Variants in ASZ1 observed in about 807,000 individuals in gnomAD.
ASZ1 encodes the protein ankyrin repeat, SAM and basic leucine zipper domain containing 1, also known as ankyrin repeat, SAM and basic leucine zipper domain-containing protein 1.
A neutral mutation model predicts 61.8 loss-of-function variants in ASZ1; 67 were observed. The observed-to-expected ratio is 1.08, with a 90% CI of 0.89 to 1.33. ASZ1 has a LOEUF of 1.33. Ranked by LOEUF, ASZ1 falls within the 40% of genes most tolerant of loss-of-function variation. The probability of loss-of-function intolerance (pLI) is 0.00; values close to 1 mark genes in which losing one functional copy is unlikely to be tolerated. For synonymous variants in ASZ1, 193 were observed against 192.7 expected (o/e 1.00, Z -0.01); for missense variants, 577 against 554.5 (o/e 1.04, Z -0.41).
chr7:117,404,184 C>A (rs555985696), intron 4 of ASZ1, among the ~76,000 whole-genome samples: 4 of 152,046 alleles, frequency 2.6e-5, no homozygotes, highest in African/African-American at 9.7e-5. Context: ...GATTCTGAGG[C>A]CTTGGCCTTT....
chr7:117,392,228 T>C (rs1381243245), intron 4 of ASZ1, among the ~76,000 whole-genome samples: 1 of 152,242 alleles, frequency 6.6e-6, no homozygotes, highest in Admixed American at 6.5e-5. Context: ...CCATCCAATC[T>C]GTGATCACGG....
chr7:117,426,325 C>CAAA (rs572393412), intron 2 of ASZ1, among the ~76,000 whole-genome samples: 3 of 129,046 alleles, frequency 2.3e-5, no homozygotes, highest in Non-Finnish European at 5.0e-5. Context: ...ATTAAAAATA[C>CAAA]AAAAAAAAAA....
chr7:117,401,204 A>G (rs970934544), intron 4 of ASZ1, among the ~76,000 whole-genome samples: 2 of 152,196 alleles, frequency 1.3e-5, no homozygotes, highest in East Asian at 3.8e-4. Flanking sequence ...AATGGGATAT[A>G]GATGTAATGG....
At chr7:117,372,435 G>A (rs1796065853) in intron 10 of ASZ1, among the ~76,000 whole-genome samples, 1 of 152,098 alleles carries the variant, frequency 6.6e-6, no homozygotes, top group African/African-American at 2.4e-5. Context: ...TATGTCCCAG[G>A]TTGAGACTGT....
intron 4 of ASZ1, among the ~76,000 whole-genome samples, chr7:117,398,787 G>A (rs1404190605): frequency 1.3e-5 from 2 of 152,136 alleles, no homozygotes; most frequent in Non-Finnish European, 2.9e-5. Context: ...TATCTCATGA[G>A]CTGGTTAAAA....
intron 4 of ASZ1, among the ~76,000 whole-genome samples, chr7:117,418,960 TA>T (rs1432038392): frequency 6.6e-6 from 1 of 151,224 alleles, no homozygotes; most frequent in Non-Finnish European, 1.5e-5. Flanking sequence ...GACCCTGTCT[TA>T]AAAAAAAATA....
intron 4 of ASZ1, among the ~76,000 whole-genome samples, chr7:117,392,793 T>C (rs955688897): frequency 1.3e-5 from 2 of 152,146 alleles, no homozygotes; most frequent in Admixed American, 1.3e-4. Flanking sequence ...TGTTGTCACT[T>C]TTACCAGTTC....
At chr7:117,381,841 G>A (rs74720429) in intron 8 of ASZ1, among the ~76,000 whole-genome samples, 3,478 of 152,224 alleles carry the variant, frequency 0.023, 130 homozygotes, top group African/African-American at 0.079. Flanking sequence ...TGAAGGTTAG[G>A]CAGTGGGTAA....
chr7:117,407,981 G>A (rs892724148), intron 4 of ASZ1, among the ~76,000 whole-genome samples: 3 of 152,148 alleles, frequency 2.0e-5, no homozygotes, highest in Admixed American at 2.0e-4. Context: ...GGGAAGGAGA[G>A]GGATGGTGTG....
intron 4 of ASZ1, among the ~76,000 whole-genome samples, chr7:117,395,058 G>T (rs1274906896): frequency 6.6e-6 from 1 of 152,078 alleles, no homozygotes; most frequent in African/African-American, 2.4e-5. Flanking sequence ...GGTGATTTTT[G>T]GTTGTGCACC....
intron 11 of ASZ1, chr7:117,368,369 C>T (rs948114824): frequency 1.1e-4 from 129 of 1,162,050 alleles, no homozygotes; most frequent in African/African-American, 3.2e-4. Context: ...ATTCAATACA[C>T]GGATCAGTTT....
intron 6 of ASZ1, among the ~76,000 whole-genome samples, chr7:117,383,502 A>G (rs1164861563): frequency 6.6e-6 from 1 of 152,150 alleles, no homozygotes. Context: ...TTCCATTTGG[A>G]TAAATGACTC....
At chr7:117,408,392 G>A (rs1259017416) in intron 4 of ASZ1, among the ~76,000 whole-genome samples, 2 of 152,060 alleles carry the variant, frequency 1.3e-5, no homozygotes, top group African/African-American at 4.8e-5. Context: ...AAGGCATGAA[G>A]GAGCTGTGCC....
chr7:117,411,391 T>G (rs1562858780), intron 4 of ASZ1, among the ~76,000 whole-genome samples: 1 of 151,810 alleles, frequency 6.6e-6, no homozygotes, highest in African/African-American at 2.4e-5. Flanking sequence ...TAAGGAATGA[T>G]GTTCAAACTA....
In ASZ1 at chr7:117,406,263, G is replaced by T. The variant is rs114723668; in HGVS notation, c.440+13900C>A. 7.8e-3 allele frequency among the ~76,000 whole-genome samples: 1,183 copies of T among 152,142 alleles called. 19 individuals carry two copies. Among genetic ancestry groups the T allele is most frequent in the African/African-American group, 0.027 (1,136 of 41,520 alleles). On this transcript the variant is annotated intron_variant, in intron 4 of 12. Transcript: ENST00000284629. ...ATAAAAATACATTCAAAATAAAAAT[G>T]CTTTGAAACAAAAACACAGTCACCA... is the stretch of plus-strand genomic sequence containing the variant.
chr7:117,397,566 A>G (rs1390223514), intron 4 of ASZ1, among the ~76,000 whole-genome samples: 1 of 152,182 alleles, frequency 6.6e-6, no homozygotes, highest in Non-Finnish European at 1.5e-5. Flanking sequence ...ATTTTTTCAG[A>G]AGACGATTTG....
chr7:117,381,382 T>A (rs1048600101), intron 8 of ASZ1, among the ~76,000 whole-genome samples: 1 of 152,148 alleles, frequency 6.6e-6, no homozygotes, highest in African/African-American at 2.4e-5. Flanking sequence ...ATATTTTAAA[T>A]TTCTGACTGT....
intron 10 of ASZ1, among the ~76,000 whole-genome samples, chr7:117,376,801 C>T (rs78758671): frequency 6.6e-6 from 1 of 151,942 alleles, no homozygotes; most frequent in African/African-American, 2.4e-5. Flanking sequence ...TCATAATCTA[C>T]AAAAAAACCT....
Position 117,374,679 on chromosome 7 carries a change from G to A in ASZ1, c.1055+5259C>T, listed in dbSNP as rs990980250. On this transcript the variant is annotated intron_variant, in intron 10 of 12. Transcript: ENST00000284629. The stretch of plus-strand genomic sequence containing the variant: ...TGATCTCTTAAATCAACTAAAAAAA[G>A]AAAACTTAGAAAAGAATACTAAGCT... Among the ~76,000 whole-genome samples, 53 of 152,024 alleles carry A rather than the reference G, an allele frequency of 3.5e-4. 1 individual carries two copies. The highest frequency in any genetic ancestry group is 1.1e-3 in the African/African-American group (45 of 41,548).
Sources: allele counts gnomAD v4.1 joint callset (sites outside exome capture counted in the v4.1 genomes callset), GRCh38; gene constraint gnomAD v4.1.1; transcripts MANE v1.5; gene names NCBI Gene and HGNC (gene_info 2026-07-23, HGNC 2026-07-21).